IGFBP2: variants seen among roughly 807,000 people sequenced by gnomAD.
The protein encoded by IGFBP2 is insulin like growth factor binding protein 2.
Under a neutral mutation model 26.2 loss-of-function variants are expected in IGFBP2, and 12 were observed. The observed-to-expected ratio is 0.46, with a 90% confidence interval of 0.29 to 0.74. The LOEUF (loss-of-function observed/expected upper bound fraction) is 0.74. Ranked by LOEUF, IGFBP2 falls within the 30% of genes least tolerant of loss-of-function variation. The pLI is 0.09. For synonymous variants in IGFBP2, 189 were observed against 200.6 expected (o/e 0.94, Z 0.49); for missense variants, 328 against 441.2 (o/e 0.74, Z 2.30).
intron 1 of IGFBP2, among the ~76,000 whole-genome samples, chr2:216,649,765 C>A (rs1377387358): frequency 6.6e-6 from 1 of 152,158 alleles, no homozygotes; most frequent in Non-Finnish European, 1.5e-5. Context: ...CCAGGAATGA[C>A]CCTGATGTTT....
chr2:216,661,376 T>C, intron 2 of IGFBP2: 1 of 286,952 alleles, frequency 3.5e-6, no homozygotes. Flanking sequence ...AGCGCTGGGA[T>C]TACAGGCGCC....
At position 216,660,830 on chromosome 2, in the gene IGFBP2, A is replaced by T. The variant is rs1260321056; in HGVS notation, c.672+44A>T. ...TGGTGGAAGGGGTGGGAGGACAAGG[A>T]AAGTGGGGTCTCAGCTGGAGGAGGG... On this transcript the variant is annotated intron_variant, in intron 2 of 3. Transcript: ENST00000233809. The T allele has an allele frequency of 2.0e-6, 3 of 1,475,080 alleles. No homozygotes were observed. In the South Asian group the frequency reaches 3.6e-5, roughly 18 times the overall value. 91.4% of individuals were successfully genotyped at this position (1,475,080 alleles called of 1,614,324 possible).
intron 1 of IGFBP2, among the ~76,000 whole-genome samples, chr2:216,657,556 G>C (rs1055021803): frequency 6.6e-6 from 1 of 152,116 alleles, no homozygotes; most frequent in African/African-American, 2.4e-5. Context: ...TTGGGAACCT[G>C]GCAGGCAGCT....
chr2:216,638,786 G>A (rs1431994061), intron 1 of IGFBP2, among the ~76,000 whole-genome samples: 2 of 150,734 alleles, frequency 1.3e-5, no homozygotes, highest in Non-Finnish European at 2.9e-5. Context: ...TGCAAGCTCC[G>A]TCTCCTGGGT....
chr2:216,659,753 T>C (rs1697996675), intron 1 of IGFBP2: 1 of 1,534,448 alleles, frequency 6.5e-7, no homozygotes, highest in Admixed American at 2.0e-5. Flanking sequence ...TGCAGTAAGC[T>C]GAAGCTATGA....
chr2:216,657,698 T>G (rs996977052), intron 1 of IGFBP2, among the ~76,000 whole-genome samples: 7 of 152,128 alleles, frequency 4.6e-5, no homozygotes, highest in Admixed American at 6.5e-5. Flanking sequence ...TGATTAGACA[T>G]GGTGGAGCAG....
In IGFBP2 at chr2:216,633,706, C is replaced by CGCCGCGGTG. The variant is rs1697434709; in HGVS notation, c.189_197dup (p.Ala66_Ala68dup). 1.7e-6 allele frequency: 2 copies of CGCCGCGGTG among 1,192,806 alleles called. No homozygotes were observed. Among genetic ancestry groups the CGCCGCGGTG allele is most frequent in the South Asian group, 8.2e-5 (2 of 24,428 alleles). The allele number at this position is 1,192,806 out of a possible 1,614,324, so 73.9% of individuals were successfully genotyped here. On this transcript the variant is annotated inframe_insertion, in exon 1 of 4. Transcript: ENST00000233809. The stretch of plus-strand genomic sequence containing the variant: ...GCGGGCCCCCGCCGGTTGCGCCGCC[C>CGCCGCGGTG]GCCGCGGTGGCCGCAGTGGCCGGAG...
At chr2:216,646,709 C>G (rs935839867) in intron 1 of IGFBP2, among the ~76,000 whole-genome samples, 2 of 152,178 alleles carry the variant, frequency 1.3e-5, no homozygotes, top group African/African-American at 4.8e-5. Context: ...TGCAGGGAAA[C>G]TCCCCTTTAT....
upstream of IGFBP2, chr2:216,632,845 AAT>A (rs1184684498): frequency 6.6e-6 from 1 of 152,174 alleles, no homozygotes; most frequent in Non-Finnish European, 1.5e-5. Context: ...GGAAAACTGC[AAT>A]AGTCACTAAG....
rs983550706 is a variant in IGFBP2, at chr2:216,634,385, G to T, written c.442+420G>T. On this transcript the variant is annotated intron_variant, in intron 1 of 3. Transcript: ENST00000233809. ...CGCTGCTGGGAGGCGGAGGCTGCGG[G>T]GTGCCAGTGACACCAGGAACCTTGG... 2.0e-5 allele frequency among the ~76,000 whole-genome samples: 3 copies of T among 152,210 alleles called. No individual in the cohort carries two copies. The East Asian group carries it at 5.8e-4, about 30-fold the overall frequency.
At position 216,664,155 on chromosome 2, in the gene IGFBP2, A is replaced by C; in HGVS notation, c.*51A>C. ...CCCTGCCCCCCGCCCCTCTCCAAAC[A>C]CCGGCAGAAAACGGAGAGTGCTTGG... On this transcript the variant is annotated 3_prime_UTR_variant, in exon 4 of 4. Transcript: ENST00000233809. This position sits in a 1 kb window ranked among gnomAD's most constrained non-coding sequence, Gnocchi z 4.6. 11 of 1,424,984 alleles carry C rather than the reference A, an allele frequency of 7.7e-6. No homozygotes were observed. Among genetic ancestry groups the C allele is most frequent in the Non-Finnish European group, 1.0e-5 (11 of 1,060,852 alleles). The allele number at this position is 1,424,984 out of a possible 1,614,324, so 88.3% of individuals were successfully genotyped here. A position where few individuals can be genotyped will look rare whatever the true frequency, so the allele number is the denominator to read the frequency against.
At chr2:216,659,471 G>C in intron 1 of IGFBP2, 1 of 536,528 alleles carries the variant, frequency 1.9e-6, no homozygotes, top group Non-Finnish European at 3.4e-6. Context: ...GCTGTTTGCC[G>C]TGTCTCCAAG....
rs6413493 is a variant in IGFBP2, at chr2:216,664,316, C to T, written c.*212C>T. On this transcript the variant is annotated 3_prime_UTR_variant, in exon 4 of 4. Coordinates refer to ENST00000233809, the MANE Select transcript of IGFBP2 (RefSeq NM_000597.3). The surrounding 1 kb of genome is among the most constrained non-coding windows in gnomAD (Gnocchi z 4.6). ...CACACCTGCTCCTTCTTGCTTTCCCCGGGGGAGGAAGGGGGTTGTGGTCGG... is the reference window on the plus strand; with the variant it reads ...CACACCTGCTCCTTCTTGCTTTCCCTGGGGGAGGAAGGGGGTTGTGGTCGG... 7.0e-3 allele frequency: 2,909 copies of T among 413,448 alleles called. 44 individuals carry two copies. Among genetic ancestry groups the T allele is most frequent in the African/African-American group, 0.04 (2,014 of 49,738 alleles). 25.6% of individuals were successfully genotyped at this position (413,448 alleles called of 1,614,324 possible).
At chr2:216,660,528 G>A in intron 1 of IGFBP2, 29 bp from the exon 2 acceptor site, 1 of 1,546,932 alleles carries the variant, frequency 6.5e-7, no homozygotes, top group Non-Finnish European at 8.8e-7. Flanking sequence ...ACTGGACCTG[G>A]AGCTTTTCTT....
intron 1 of IGFBP2, among the ~76,000 whole-genome samples, chr2:216,648,331 C>G (rs942081012): frequency 2.0e-5 from 3 of 152,182 alleles, no homozygotes; most frequent in African/African-American, 7.2e-5. Context: ...CTTCTTAATT[C>G]TGTGACCCTC....
At chr2:216,643,495 A>G (rs963373250) in intron 1 of IGFBP2, among the ~76,000 whole-genome samples, 2 of 152,196 alleles carry the variant, frequency 1.3e-5, no homozygotes, top group African/African-American at 2.4e-5. Flanking sequence ...GAATACGCTT[A>G]TGGTGAAATC....
At chr2:216,660,095 G>A (rs1698005243) in intron 1 of IGFBP2, among the ~76,000 whole-genome samples, 2 of 152,178 alleles carry the variant, frequency 1.3e-5, no homozygotes, top group Middle Eastern at 3.4e-3. Context: ...CTTTAAACTG[G>A]GGGTTATAGT....
Position 216,664,273 on chromosome 2 carries a change from C to T in IGFBP2, c.*169C>T, listed in dbSNP as rs1061251. The T allele has an allele frequency of 1.4e-5, 7 of 498,708 alleles. No individual in the cohort carries two copies. The highest frequency in any genetic ancestry group is 8.6e-5 in the South Asian group (2 of 23,308). 30.9% of individuals were successfully genotyped at this position (498,708 alleles called of 1,614,324 possible). A position where few individuals can be genotyped will look rare whatever the true frequency, so the allele number is the denominator to read the frequency against. On this transcript the variant is annotated 3_prime_UTR_variant, in exon 4 of 4. Transcript: ENST00000233809. The surrounding 1 kb of genome is among the most constrained non-coding windows in gnomAD (Gnocchi z 4.6). ...AGCTCGGCACCTCCCCGGCCTCTCT[C>T]TTCCCAGCTGCAGATGCCACACCTG...
chr2:216,653,300 C>T (rs922172644), intron 1 of IGFBP2, among the ~76,000 whole-genome samples: 2 of 152,096 alleles, frequency 1.3e-5, no homozygotes, highest in Non-Finnish European at 2.9e-5. Context: ...TGTGGGAGTC[C>T]GTTTCTATCA....
Sources: gnomAD v4.1 joint callset for allele counts (sites outside exome capture counted in the v4.1 genomes callset) on GRCh38, gnomAD v4.1.1 for gene constraint, Gnocchi (gnomAD v3.1) non-coding constraint, MANE v1.5 for transcripts, NCBI Gene and HGNC (gene_info 2026-07-23, HGNC 2026-07-21) for gene names.